SND1: variants seen among roughly 807,000 people sequenced by gnomAD.
SND1 encodes staphylococcal nuclease domain-containing protein 1.
In SND1, 38 loss-of-function variants were observed where a neutral mutation model predicts 121.7. The ratio of observed to expected loss-of-function variants is 0.31; its 90% CI spans 0.24 to 0.41. The LOEUF (loss-of-function observed/expected upper bound fraction) is 0.41, where lower values mean the gene tolerates loss of function less well. SND1 is among the 10% of genes least tolerant of loss of function. The probability of loss-of-function intolerance (pLI) is 1.00; values close to 1 mark genes in which losing one functional copy is unlikely to be tolerated. For synonymous variants in SND1, 401 were observed against 447.4 expected, an observed-to-expected ratio of 0.90 and a Z score of 1.31; for missense variants, 868 against 1,184.6, an observed-to-expected ratio of 0.73 and a Z score of 3.92.
Position 127,718,583 on chromosome 7 carries a change from G to T in SND1, c.1039-2704G>T, listed in dbSNP as rs981842420. 6 of 985,280 alleles carry T rather than the reference G, an allele frequency of 6.1e-6. No homozygotes were observed. The African/African-American group carries it at 7.0e-5, about 11-fold the overall frequency. 61.0% of individuals were successfully genotyped at this position (985,280 alleles called of 1,614,324 possible). A position where few individuals can be genotyped will look rare whatever the true frequency, so the allele number is the denominator to read the frequency against. On this transcript the variant is annotated intron_variant, in intron 9 of 23. Transcript: ENST00000354725. ...AGAGTGCACAGTTCCTGAAGAGGAG[G>T]TTTCTAATCAGGGAGATGCTGAGCA...
At chr7:127,814,310 G>A (rs1033776527) in intron 11 of SND1, among the ~76,000 whole-genome samples, 1 of 152,112 alleles carries the variant, frequency 6.6e-6, no homozygotes, top group African/African-American at 2.4e-5. Flanking sequence ...GGAGAGGACA[G>A]GCTTTTTTTC....
intron 10 of SND1, among the ~76,000 whole-genome samples, chr7:127,743,975 A>G (rs1796931216): frequency 6.6e-6 from 1 of 152,134 alleles, no homozygotes; most frequent in South Asian, 2.1e-4. Context: ...TATTTTTCAA[A>G]TGTGTAATGA....
At chr7:127,707,695 G>A (rs1796225192) in intron 9 of SND1, 48 bp downstream of exon 9, 2 of 1,466,090 alleles carry the variant, frequency 1.4e-6, no homozygotes, top group South Asian at 1.1e-5. Flanking sequence ...ATTGCCAGGC[G>A]AGTAATAATA....
At chr7:127,865,636 G>A (rs1799456887) in intron 12 of SND1, among the ~76,000 whole-genome samples, 1 of 151,814 alleles carries the variant, frequency 6.6e-6, no homozygotes, top group Admixed American at 6.6e-5. Context: ...TCGTTTTTGA[G>A]ACAAGGTCTT....
chr7:127,986,492 C>G (rs141463524), intron 15 of SND1, among the ~76,000 whole-genome samples: 2 of 152,206 alleles, frequency 1.3e-5, no homozygotes, highest in Admixed American at 6.5e-5. Context: ...AGTGGCAGAG[C>G]AGAACCCAGA....
chr7:127,760,988 A>G (rs1797296122), intron 10 of SND1, among the ~76,000 whole-genome samples: 1 of 152,164 alleles, frequency 6.6e-6, no homozygotes, highest in African/African-American at 2.4e-5. Flanking sequence ...GAACATTTAA[A>G]CCGTATAAAA....
At chr7:127,714,002 A>C (rs997026752) in intron 9 of SND1, among the ~76,000 whole-genome samples, 6 of 151,310 alleles carry the variant, frequency 4.0e-5, no homozygotes, top group African/African-American at 1.5e-4. Flanking sequence ...TGGTCCCCTG[A>C]GCACGTGGCT....
At chr7:127,670,833 T>C (rs1795502736) in intron 1 of SND1, among the ~76,000 whole-genome samples, 2 of 148,156 alleles carry the variant, frequency 1.3e-5, no homozygotes, top group Admixed American at 1.3e-4. Context: ...TTATATGCAA[T>C]TAAAAAAAAA....
chr7:127,662,890 C>CTTTTT (rs34629378), intron 1 of SND1, among the ~76,000 whole-genome samples: 4 of 122,520 alleles, frequency 3.3e-5, no homozygotes, highest in East Asian at 2.2e-4. Flanking sequence ...CCTCTTTTAT[C>CTTTTT]TTTTTTTTTT....
At chr7:127,816,421 A>G (rs1003060334) in intron 11 of SND1, among the ~76,000 whole-genome samples, 2 of 152,140 alleles carry the variant, frequency 1.3e-5, no homozygotes, top group African/African-American at 4.8e-5. Context: ...TGTTCTCCTT[A>G]ACCTGGCCTT....
At chr7:127,961,700 G>A (rs983473123) in intron 15 of SND1, among the ~76,000 whole-genome samples, 1 of 152,232 alleles carries the variant, frequency 6.6e-6, no homozygotes, top group African/African-American at 2.4e-5. Context: ...TATGAAAGCA[G>A]AAAGATTGCC....
chr7:127,835,833 A>G (rs929423564), intron 11 of SND1, among the ~76,000 whole-genome samples: 2 of 152,156 alleles, frequency 1.3e-5, no homozygotes, highest in African/African-American at 4.8e-5. Context: ...GTCATTTGTC[A>G]AAATTTGATG....
chr7:127,791,272 C>A (rs1035019083), intron 10 of SND1, among the ~76,000 whole-genome samples: 1 of 151,736 alleles, frequency 6.6e-6, no homozygotes, highest in African/African-American at 2.4e-5. Flanking sequence ...CCTCAGCCTC[C>A]CAGACAGCTA....
intron 15 of SND1, among the ~76,000 whole-genome samples, chr7:127,945,120 A>G (rs1801299342): frequency 6.6e-6 from 1 of 152,162 alleles, no homozygotes; most frequent in Non-Finnish European, 1.5e-5. Context: ...ATAGTGCTTC[A>G]CCAAGTCAGC....
chr7:127,673,714 T>C (rs1033890267), intron 1 of SND1, among the ~76,000 whole-genome samples: 2 of 152,258 alleles, frequency 1.3e-5, no homozygotes, highest in Non-Finnish European at 2.9e-5. Context: ...TAGAGAACTT[T>C]CTCTTCCACA....
At chr7:127,900,753 A>G (rs1368237917) in intron 13 of SND1, among the ~76,000 whole-genome samples, 1 of 152,176 alleles carries the variant, frequency 6.6e-6, no homozygotes, top group African/African-American at 2.4e-5. Flanking sequence ...ACTCCTTGGC[A>G]TGTGTGTGGA....
At chr7:127,669,103 C>T (rs1358964499) in intron 1 of SND1, among the ~76,000 whole-genome samples, 1 of 152,114 alleles carries the variant, frequency 6.6e-6, no homozygotes, top group Non-Finnish European at 1.5e-5. Context: ...AGCGATTCTT[C>T]TGCGTCAGCC....
chr7:127,790,023 A>G lies in SND1; in HGVS notation c.1153-17461A>G, dbSNP rs576187761. Among the ~76,000 whole-genome samples the G allele has an allele frequency of 2.0e-5, 3 of 152,156 alleles. No homozygotes were observed. In the South Asian group the frequency reaches 6.2e-4, roughly 32 times the overall value. ...TAGATTGTTAGGCTGGTGGTTCTGA[A>G]TTGTTTGTTTGTTTGTTTGTTTTTC... On this transcript the variant is annotated intron_variant, in intron 10 of 23. Coordinates refer to ENST00000354725, the MANE Select transcript of SND1 (RefSeq NM_014390.4).
intron 14 of SND1, among the ~76,000 whole-genome samples, chr7:127,907,932 A>G (rs1440790456): frequency 6.6e-6 from 1 of 152,174 alleles, no homozygotes; most frequent in Non-Finnish European, 1.5e-5. Context: ...CTGATTGCTT[A>G]TGGTTGGAAG....
Sources: gnomAD v4.1 joint callset for allele counts (sites outside exome capture counted in the v4.1 genomes callset) on GRCh38, gnomAD v4.1.1 for gene constraint, MANE v1.5 for transcripts, NCBI Gene and HGNC (gene_info 2026-07-23, HGNC 2026-07-21) for gene names.